The following STK39 variants were observed in gnomAD, a reference collection of about 807,000 sequenced individuals.
STK39 encodes STE20/SPS1-related proline-alanine-rich protein kinase.
STK39 carries 20 observed loss-of-function variants against 77.8 expected under a neutral mutation model. The observed-to-expected ratio is 0.26, with a 90% CI of 0.18 to 0.37. The LOEUF (loss-of-function observed/expected upper bound fraction) is 0.37. STK39 is among the 10% of genes least tolerant of loss of function. The pLI, the probability that STK39 is intolerant of heterozygous loss-of-function variation, is 1.00. For missense variants in STK39, 479 were observed against 656.5 expected (o/e 0.73, Z 2.95); for synonymous variants, 246 against 234.1 (o/e 1.05, Z -0.47).
chr2:168,142,516 T>C (rs1404529325), intron 5 of STK39, among the ~76,000 whole-genome samples: 1 of 152,200 alleles, frequency 6.6e-6, no homozygotes, highest in Non-Finnish European at 1.5e-5. Flanking sequence ...AGTCTCTTCC[T>C]AAAAGACATA....
chr2:168,074,000 A>C (rs1208607814), intron 12 of STK39, among the ~76,000 whole-genome samples: 1 of 152,148 alleles, frequency 6.6e-6, no homozygotes, highest in Non-Finnish European at 1.5e-5. Flanking sequence ...GAGAGCTACC[A>C]TGGGGAGGCA....
intron 16 of STK39, among the ~76,000 whole-genome samples, chr2:168,004,154 C>A (rs1360578056): frequency 6.6e-6 from 1 of 152,214 alleles, no homozygotes; most frequent in East Asian, 1.9e-4. Flanking sequence ...TGAAGGCCAT[C>A]TGGAGGATCC....
chr2:168,035,672 A>G (rs1440718074), intron 14 of STK39, among the ~76,000 whole-genome samples: 1 of 152,198 alleles, frequency 6.6e-6, no homozygotes, highest in Non-Finnish European at 1.5e-5. Context: ...ACATAGAAAC[A>G]AAGTACCATA....
At chr2:168,200,246 A>C (rs6747978) in intron 1 of STK39, among the ~76,000 whole-genome samples, 11,677 of 152,258 alleles carry the variant, frequency 0.077, 1,061 homozygotes, top group East Asian at 0.24. Context: ...GGAAATATTA[A>C]ATGCCATGAA....
At chr2:168,186,751 C>T (rs1417020139) in intron 1 of STK39, among the ~76,000 whole-genome samples, 2 of 152,176 alleles carry the variant, frequency 1.3e-5, no homozygotes, top group Non-Finnish European at 2.9e-5. Context: ...ATTTCTCCAT[C>T]TGTGACATAA....
chr2:168,140,849 T>A (rs570405535), intron 5 of STK39, 91 bp from the exon 6 acceptor site: 16 of 1,054,616 alleles, frequency 1.5e-5, no homozygotes, highest in Non-Finnish European at 2.2e-5. Flanking sequence ...CTTTGTGAGC[T>A]TTACAGTGGT....
intron 1 of STK39, among the ~76,000 whole-genome samples, chr2:168,238,651 A>C (rs188592822): frequency 6.6e-6 from 1 of 152,234 alleles, no homozygotes; most frequent in African/African-American, 2.4e-5. Flanking sequence ...AATGTGAAAC[A>C]TATCATTTAC....
Position 168,060,891 on chromosome 2 carries a change from C to T in STK39, c.1376+2609G>A, listed in dbSNP as rs562556502. 7.9e-5 allele frequency among the ~76,000 whole-genome samples: 12 copies of T among 151,480 alleles called. No individual in the cohort carries two copies. The Middle Eastern group carries it at 0.014, about 172-fold the overall frequency. On this transcript the variant is annotated intron_variant, in intron 14 of 17. Transcript: ENST00000355999. ...TTCCAACAGATGTCAGAAGACTCTT[C>T]GCCCTCAAACTACTGAACACCTTAA...
At chr2:168,236,860 G>T (rs1170629609) in intron 1 of STK39, among the ~76,000 whole-genome samples, 11 of 152,166 alleles carry the variant, frequency 7.2e-5, no homozygotes, top group East Asian at 1.9e-4. Context: ...AGCCTTGTAG[G>T]ATAGTTTGAA....
rs528945224 is a variant in STK39, at chr2:167,992,423, G to A, written c.1498+20211C>T. On this transcript the variant is annotated intron_variant, in intron 16 of 17. Transcript: ENST00000355999. ...ACTATAGCAAAAACCTGAAGAAACT[G>A]TCTGGAACTGGGGTCAGAGCAGAAA... Among the ~76,000 whole-genome samples the A allele has an allele frequency of 2.4e-4, 36 of 152,202 alleles. No individual in the cohort carries two copies. The South Asian group carries it at 7.1e-3, about 30-fold the overall frequency.
At chr2:168,150,165 A>G (rs1237188433) in intron 5 of STK39, among the ~76,000 whole-genome samples, 2 of 152,240 alleles carry the variant, frequency 1.3e-5, no homozygotes, top group Non-Finnish European at 2.9e-5. Context: ...GGCGTGATTC[A>G]GTGGGACTGG....
chr2:168,035,118 C>G (rs1054421350), intron 14 of STK39, among the ~76,000 whole-genome samples: 2 of 152,108 alleles, frequency 1.3e-5, no homozygotes, highest in Non-Finnish European at 2.9e-5. Context: ...CTCCTGTATC[C>G]AGAAGGGTTG....
intron 16 of STK39, among the ~76,000 whole-genome samples, chr2:167,994,414 G>T (rs185525827): frequency 1.1e-3 from 170 of 152,126 alleles, no homozygotes; most frequent in African/African-American, 3.9e-3. Context: ...TTATTTCATA[G>T]AATTTGTTTT....
chr2:168,048,825 A>G (rs1439346375), intron 14 of STK39, among the ~76,000 whole-genome samples: 1 of 152,142 alleles, frequency 6.6e-6, no homozygotes, highest in Non-Finnish European at 1.5e-5. Context: ...TGGTCATATC[A>G]TCTCATTCCC....
At chr2:168,045,174 T>TA (rs533365515) in intron 14 of STK39, among the ~76,000 whole-genome samples, 36 of 150,948 alleles carry the variant, frequency 2.4e-4, no homozygotes, top group East Asian at 1.9e-3. Flanking sequence ...TTAATCTGGT[T>TA]AAAAAAAAAA....
At chr2:168,044,838 C>A (rs953157835) in intron 14 of STK39, among the ~76,000 whole-genome samples, 1 of 152,106 alleles carries the variant, frequency 6.6e-6, no homozygotes, top group South Asian at 2.1e-4. Flanking sequence ...GTAAACCAAC[C>A]AACCATGACT....
chr2:167,961,047 G>T (rs1691943427), intron 17 of STK39, among the ~76,000 whole-genome samples: 1 of 152,188 alleles, frequency 6.6e-6, no homozygotes, highest in African/African-American at 2.4e-5. Context: ...CACTCTTTTA[G>T]GCTGGGAGTA....
At chr2:168,091,731 A>G (rs1686531173) in intron 10 of STK39, among the ~76,000 whole-genome samples, 2 of 152,172 alleles carry the variant, frequency 1.3e-5, no homozygotes. Context: ...AGGTGAAAAT[A>G]GGATAACAAA....
At chr2:168,233,377 A>G (rs1334209229) in intron 1 of STK39, among the ~76,000 whole-genome samples, 2 of 152,216 alleles carry the variant, frequency 1.3e-5, no homozygotes, top group Non-Finnish European at 1.5e-5. Flanking sequence ...ACTAAATGTG[A>G]GAAAGTACAC....
Sources: gnomAD v4.1 joint callset for allele counts (sites outside exome capture counted in the v4.1 genomes callset) on GRCh38, gnomAD v4.1.1 for gene constraint, MANE v1.5 for transcripts, NCBI Gene and HGNC (gene_info 2026-07-23, HGNC 2026-07-21) for gene names.